MARCHF4: variants seen among roughly 807,000 people sequenced by gnomAD.
MARCHF4 encodes the protein E3 ubiquitin-protein ligase MARCHF4.
MARCHF4 carries 14 observed loss-of-function variants against 43.9 expected under a neutral mutation model. That is an observed-to-expected ratio of 0.32 (90% confidence interval 0.21 to 0.50). MARCHF4 has a LOEUF of 0.50. Among genes scored for constraint, MARCHF4 ranks in the 20% least tolerant of loss-of-function variants. MARCHF4 has a pLI of 0.98. For missense variants in MARCHF4, 468 were observed against 536.7 expected, an observed-to-expected ratio of 0.87 and a Z score of 1.27; for synonymous variants, 226 against 213.3, an observed-to-expected ratio of 1.06 and a Z score of -0.52.
chr2:216,334,351 C>T (rs774209771), intron 1 of MARCHF4, among the ~76,000 whole-genome samples: 11 of 151,702 alleles, frequency 7.3e-5, no homozygotes, highest in South Asian at 4.1e-4. Context: ...GCCAGCAACC[C>T]GAATGAGCAA....
At chr2:216,357,162 A>C (rs1230602276) in intron 1 of MARCHF4, among the ~76,000 whole-genome samples, 1 of 152,206 alleles carries the variant, frequency 6.6e-6, no homozygotes, top group Non-Finnish European at 1.5e-5. Context: ...CTATTAACTA[A>C]TCTACATATC....
chr2:216,308,206 A>G (rs1691621161), intron 1 of MARCHF4, among the ~76,000 whole-genome samples: 1 of 152,200 alleles, frequency 6.6e-6, no homozygotes, highest in Non-Finnish European at 1.5e-5. Context: ...GTTTGAGAGC[A>G]TCCTGGGTAA....
chr2:216,301,735 T>C (rs1028387246), intron 1 of MARCHF4, among the ~76,000 whole-genome samples: 3 of 152,230 alleles, frequency 2.0e-5, no homozygotes, highest in African/African-American at 7.2e-5. Flanking sequence ...AATATAGCTT[T>C]TTAGCATAAA....
At chr2:216,337,066 C>A (rs778808310) in intron 1 of MARCHF4, among the ~76,000 whole-genome samples, 1 of 151,182 alleles carries the variant, frequency 6.6e-6, no homozygotes, top group Non-Finnish European at 1.5e-5. Context: ...GCAGGAGAAT[C>A]GCTGGAACCT....
intron 2 of MARCHF4, among the ~76,000 whole-genome samples, chr2:216,281,728 C>T (rs1691131541): frequency 6.6e-6 from 1 of 152,140 alleles, no homozygotes; most frequent in Non-Finnish European, 1.5e-5. Context: ...TGAGCACACA[C>T]AATTGCATTT....
intron 1 of MARCHF4, among the ~76,000 whole-genome samples, chr2:216,299,657 C>A (rs72942697): frequency 6.6e-6 from 1 of 152,160 alleles, no homozygotes; most frequent in Non-Finnish European, 1.5e-5. Context: ...CTTCTGGCTC[C>A]GTCATTTACT....
At chr2:216,308,052 T>C (rs1341169975) in intron 1 of MARCHF4, among the ~76,000 whole-genome samples, 1 of 151,874 alleles carries the variant, frequency 6.6e-6, no homozygotes, top group Non-Finnish European at 1.5e-5. Flanking sequence ...CGAGACCCTA[T>C]CTCAAGAAAA....
At chr2:216,302,385 AT>A (rs371839329) in intron 1 of MARCHF4, among the ~76,000 whole-genome samples, 41,511 of 139,638 alleles carry the variant, frequency 0.3, 7,300 homozygotes, top group African/African-American at 0.51. Context: ...CGCCCATCTA[AT>A]TTTTTTTTTT....
chr2:216,363,702 C>T (rs1024621216), intron 1 of MARCHF4, among the ~76,000 whole-genome samples: 6 of 152,114 alleles, frequency 3.9e-5, no homozygotes, highest in African/African-American at 9.7e-5. Flanking sequence ...TGCCTATTGG[C>T]CATGAAGGGC....
chr2:216,287,886 C>G lies in MARCHF4; in HGVS notation c.517-4157G>C, dbSNP rs572251501. Among the ~76,000 whole-genome samples, 4 of 152,146 alleles carry G rather than the reference C, an allele frequency of 2.6e-5. No individual in the cohort carries two copies. In the South Asian group the frequency reaches 8.3e-4, roughly 32 times the overall value. On this transcript the variant is annotated intron_variant, in intron 1 of 3. Coordinates refer to ENST00000273067, the MANE Select transcript of MARCHF4 (RefSeq NM_020814.3). Reference sequence around the variant, plus strand: ...CAGCTGTGCAAATTTAGCCAAGTCTCTTAACCTCTCTGAGGCTCCATTTCT... The same window carrying G: ...CAGCTGTGCAAATTTAGCCAAGTCTGTTAACCTCTCTGAGGCTCCATTTCT...
At chr2:216,333,748 C>T (rs1692115357) in intron 1 of MARCHF4, among the ~76,000 whole-genome samples, 1 of 152,158 alleles carries the variant, frequency 6.6e-6, no homozygotes, top group Admixed American at 6.6e-5. Flanking sequence ...CCCTCAGGAG[C>T]GTGACGAGGG....
At chr2:216,289,382 C>G (rs891548670) in intron 1 of MARCHF4, among the ~76,000 whole-genome samples, 2 of 152,098 alleles carry the variant, frequency 1.3e-5, no homozygotes, top group African/African-American at 4.8e-5. Context: ...AAGTTTCTCC[C>G]ACATGATACA....
At chr2:216,341,056 G>A (rs1574482620) in intron 1 of MARCHF4, among the ~76,000 whole-genome samples, 1 of 152,078 alleles carries the variant, frequency 6.6e-6, no homozygotes, top group South Asian at 2.1e-4. Context: ...ATCCCCCAGC[G>A]TTTACCCTCT....
intron 1 of MARCHF4, among the ~76,000 whole-genome samples, chr2:216,295,468 A>G (rs1255429840): frequency 6.6e-6 from 1 of 152,054 alleles, no homozygotes; most frequent in Non-Finnish European, 1.5e-5. Context: ...CCATGTTGCC[A>G]TGTTGGGATT....
In MARCHF4 at chr2:216,324,808, C is replaced by T. The variant is rs529270465; in HGVS notation, c.517-41079G>A. Among the ~76,000 whole-genome samples, 4 of 112,274 alleles carry T rather than the reference C, an allele frequency of 3.6e-5. 1 individual carries two copies. Among genetic ancestry groups the T allele is most frequent in the East Asian group, 3.6e-4 (1 of 2,758 alleles). The allele number at this position is 112,274 out of a possible 152,430, so 73.7% of individuals were successfully genotyped here. ...CTCAATAAATTAGGTATTGATGGGT[C>T]GTATCTCAAAATAATAAGAGCTATC... is the stretch of plus-strand genomic sequence containing the variant. On this transcript the variant is annotated intron_variant, in intron 1 of 3. Coordinates refer to ENST00000273067, the MANE Select transcript of MARCHF4 (RefSeq NM_020814.3).
Position 216,259,437 on chromosome 2 carries a change from C to T in MARCHF4, c.1108G>A (p.Gly370Ser). 8 of 1,614,074 alleles carry T rather than the reference C, an allele frequency of 5.0e-6. No homozygotes were observed. Among genetic ancestry groups the T allele is most frequent in the Non-Finnish European group, 6.8e-6 (8 of 1,179,984 alleles). The change falls in exon 4 of 4, where the codon GGC becomes AGC. Residue 370 changes from glycine to serine, a missense_variant. Gly to Ser is a moderately conservative substitution (Grantham distance 56). Coordinates refer to ENST00000273067, the MANE Select transcript of MARCHF4 (RefSeq NM_020814.3). ...GPAQAAGHPS[G>S]PLSHHHCAYT... ...GCACAGTGGTGATGGGACAGAGGGC[C>T]TGAGGGGTGGCCGGCAGCCTGGGCA...
At chr2:216,261,319 C>T (rs931582622) in intron 3 of MARCHF4, among the ~76,000 whole-genome samples, 1 of 152,084 alleles carries the variant, frequency 6.6e-6, no homozygotes, top group African/African-American at 2.4e-5. Context: ...CTAGAAATTG[C>T]AATTTCTGCC....
At chr2:216,283,390 G>GA (rs777233915) in intron 2 of MARCHF4, among the ~76,000 whole-genome samples, 184 bp downstream of exon 2, 1 of 151,854 alleles carries the variant, frequency 6.6e-6, no homozygotes, top group Non-Finnish European at 1.5e-5. Context: ...TGAAGCTTAA[G>GA]AGAAAACACA....
At chr2:216,313,101 T>G (rs903972776) in intron 1 of MARCHF4, among the ~76,000 whole-genome samples, 1 of 152,216 alleles carries the variant, frequency 6.6e-6, no homozygotes. Context: ...TGCACCTTGT[T>G]AGCCAATTAT....
Sources: allele counts gnomAD v4.1 joint callset (sites outside exome capture counted in the v4.1 genomes callset), GRCh38; gene constraint gnomAD v4.1.1; transcripts MANE v1.5; gene names NCBI Gene and HGNC (gene_info 2026-07-23, HGNC 2026-07-21).